The following CABLES2 variants were observed in gnomAD, a reference collection of about 807,000 sequenced individuals.
CABLES2 encodes the protein Cdk5 and Abl enzyme substrate 2, also known as CDK5 and ABL1 enzyme substrate 2.
In CABLES2, 35 loss-of-function variants were observed where a neutral mutation model predicts 44.8. The ratio of observed to expected loss-of-function variants is 0.78; its 90% confidence interval spans 0.60 to 1.04. The LOEUF (loss-of-function observed/expected upper bound fraction) is 1.04. Ranked by LOEUF, CABLES2 falls within the 50% of genes least tolerant of loss-of-function variation. The pLI is 0.00. For missense variants in CABLES2, 566 were observed against 615.7 expected (o/e 0.92, Z 0.85); for synonymous variants, 282 against 281.1 (o/e 1.00, Z -0.03).
rs550853606 is a variant in CABLES2, at chr20:62,390,320, C to G, written c.*651G>C. ...AGGTCCAAGAGTCCAAGAATGAGAT[C>G]AAAATAAATCAGGAGACTGCTCCCG... On this transcript the variant is annotated 3_prime_UTR_variant, in exon 10 of 10. Transcript: ENST00000279101. The G allele has an allele frequency of 6.5e-6, 1 of 153,318 alleles. No individual in the cohort carries two copies. The highest frequency in any genetic ancestry group is 1.5e-5 in the Non-Finnish European group (1 of 68,632). The allele number at this position is 153,318 out of a possible 1,614,324, so 9.5% of individuals were successfully genotyped here.
In CABLES2 at chr20:62,391,108, A is replaced by C; in HGVS notation, c.1300T>G (p.Leu434Val). The C allele has an allele frequency of 6.2e-7, 1 of 1,613,928 alleles. No individual in the cohort carries two copies. The highest frequency in any genetic ancestry group is 1.3e-5 in the African/African-American group (1 of 75,008). ...CTGTTGAATCGAAACCTTTCTTCTA[A>C]CTTCTGCAGGGGAGAAGAGAGAAGG... ...KSGVTQLIDK[L>V]EERFRFNRRD... The change falls in exon 10 of 10, where the codon TTA (leucine) becomes GTA (valine). Residue 434 changes from leucine to valine, a missense_variant. By Grantham distance (32) the Leu-to-Val change is conservative. Transcript: ENST00000279101. The surrounding 1 kb of genome is among the most constrained non-coding windows in gnomAD (Gnocchi z 5.7).
intron 1 of CABLES2, among the ~76,000 whole-genome samples, chr20:62,399,367 C>T (rs1177699300): frequency 6.6e-6 from 1 of 152,130 alleles, no homozygotes; most frequent in Admixed American, 6.6e-5. Context: ...CTGCCTCAGC[C>T]TCCTGAGTAG....
intron 1 of CABLES2, chr20:62,402,259 A>C (rs2146428660): frequency 6.6e-6 from 1 of 152,338 alleles, no homozygotes. Flanking sequence ...TTTATTAAAC[A>C]CTGTTTCTAG....
At chr20:62,395,158 C>T (rs2146420792) in intron 3 of CABLES2, 144 bp from the exon 4 acceptor site, 1 of 684,474 alleles carries the variant, frequency 1.5e-6, no homozygotes, top group East Asian at 2.8e-5. Context: ...TCCAAGGGGA[C>T]TTGAGCCCAG....
intron 1 of CABLES2, among the ~76,000 whole-genome samples, chr20:62,397,446 G>A (rs1659750680): frequency 6.6e-6 from 1 of 152,176 alleles, no homozygotes; most frequent in Admixed American, 6.5e-5. Context: ...TAAGCGAAAC[G>A]TGCAGGCAAA....
Position 62,391,558 on chromosome 20 carries a change from G to A in CABLES2, c.1092-105C>T. On this transcript the variant is annotated intron_variant, in intron 8 of 9. Transcript: ENST00000279101. This position sits in a 1 kb window ranked among gnomAD's most constrained non-coding sequence, Gnocchi z 5.7. ...GGCTGGAGCGATGTAGCTTTGGGCC[G>A]CAAGAAACACCACCGCATCCTTCAG... is the stretch of plus-strand genomic sequence containing the variant. The A allele has an allele frequency of 3.5e-6, 4 of 1,137,660 alleles. No homozygotes were observed. Among genetic ancestry groups the A allele is most frequent in the African/African-American group, 1.5e-5 (1 of 65,252 alleles). 70.5% of individuals were successfully genotyped at this position (1,137,660 alleles called of 1,614,324 possible). A position where few individuals can be genotyped will look rare whatever the true frequency, so the allele number is the denominator to read the frequency against.
intron 1 of CABLES2, among the ~76,000 whole-genome samples, chr20:62,400,590 T>C (rs954856728): frequency 1.3e-5 from 2 of 152,200 alleles, no homozygotes; most frequent in African/African-American, 4.8e-5. Context: ...AGCCTGTGTG[T>C]CTTTCTGGAA....
rs1423603759 is a variant in CABLES2 at position 62,388,661 on chromosome 20, T to A, written c.*2310A>T. The A allele has an allele frequency of 1.6e-6, 1 of 608,480 alleles. No individual in the cohort carries two copies. The highest frequency in any genetic ancestry group is 2.9e-6 in the Non-Finnish European group (1 of 344,388). 37.7% of individuals were successfully genotyped at this position (608,480 alleles called of 1,614,324 possible). A position where few individuals can be genotyped will look rare whatever the true frequency, so the allele number is the denominator to read the frequency against. ...GCAAAACTGAGGTTTAAAGGACAAA[T>A]ACATTATCCATTTAAAAACAGATAT... On this transcript the variant is annotated 3_prime_UTR_variant, in exon 10 of 10. Transcript: ENST00000279101.
rs1007852453 is a variant in CABLES2, at chr20:62,396,609, G to A, written c.363-17C>T. ...ACTCGCTTCCTGCAAGATGACAATG[G>A]AGCCTCAAAACAGGCCACCAGCCCG... On this transcript the variant is annotated splice_polypyrimidine_tract_variant and intron_variant, in intron 1 of 9. Coordinates refer to ENST00000279101, the MANE Select transcript of CABLES2 (RefSeq NM_031215.3). This position sits in a 1 kb window ranked among gnomAD's most constrained non-coding sequence, Gnocchi z 5.7. The A allele has an allele frequency of 2.5e-6, 4 of 1,605,028 alleles. No individual in the cohort carries two copies. The African/African-American group carries it at 4.0e-5, about 16-fold the overall frequency.
chr20:62,394,194 A>G lies in CABLES2; in HGVS notation c.677T>C (p.Phe226Ser). Residue 226 changes from phenylalanine (F) to serine (S), a missense_variant, in exon 5 of 10, where the codon TTT becomes TCT. By Grantham distance (155) the Phe-to-Ser change is radical (BLOSUM62 -2). Around this residue, in one of 2 missense-constraint regions of CABLES2, gnomAD observed 436 missense variants for 536.3 expected, o/e 0.81. Transcript: ENST00000279101. ...TCCTAGCTCCACACCTTCTAGCTCA[A>G]AGACCATCTCGGAAGACACAGAGAC... ...GGVSVSSEMV[F>S]ELEGVELGAD... 1 of 1,613,552 alleles carries G rather than the reference A, an allele frequency of 6.2e-7. No homozygotes were observed. The highest frequency in any genetic ancestry group is 8.5e-7 in the Non-Finnish European group (1 of 1,179,972).
chr20:62,392,502 C>G lies in CABLES2; in HGVS notation c.985-7G>C, dbSNP rs1468853172. ...CGTATTCTATCACTGTGGTCTGCAACAGAGAGTGGGCAGGGTTGGGCCGGC... is the reference window on the plus strand; with the variant it reads ...CGTATTCTATCACTGTGGTCTGCAAGAGAGAGTGGGCAGGGTTGGGCCGGC... On this transcript the variant is annotated splice_polypyrimidine_tract_variant and splice_region_variant and intron_variant, in intron 7 of 9. Coordinates refer to ENST00000279101, the MANE Select transcript of CABLES2 (RefSeq NM_031215.3). The G allele has an allele frequency of 3.1e-6, 5 of 1,609,488 alleles. No individual in the cohort carries two copies. The highest frequency in any genetic ancestry group is 4.3e-6 in the Non-Finnish European group (5 of 1,175,782).
At chr20:62,402,501 A>C (rs1988207747) in intron 1 of CABLES2, 1 of 152,168 alleles carries the variant, frequency 6.6e-6, no homozygotes, top group Non-Finnish European at 1.5e-5. Flanking sequence ...CTTCTGTCCC[A>C]CGGCGTGCCC....
At position 62,400,245 on chromosome 20, in the gene CABLES2, C is replaced by T. The variant is rs549553538; in HGVS notation, c.363-3653G>A. ...ATGGGACCAGGAAGGGCTGGGGATG[C>T]GGTGGGCTGGCCTGCACAGTGGGGT... is the stretch of plus-strand genomic sequence containing the variant. On this transcript the variant is annotated intron_variant, in intron 1 of 9. Coordinates refer to ENST00000279101, the MANE Select transcript of CABLES2 (RefSeq NM_031215.3). 9.5e-4 allele frequency among the ~76,000 whole-genome samples: 115 copies of T among 121,454 alleles called. 2 individuals carry two copies. The highest frequency in any genetic ancestry group is 3.2e-3 in the African/African-American group (101 of 31,632). 79.7% of individuals were successfully genotyped at this position (121,454 alleles called of 152,430 possible). A position where few individuals can be genotyped will look rare whatever the true frequency, so the allele number is the denominator to read the frequency against.
chr20:62,398,205 ATGGTGATG>A (rs1988110803), intron 1 of CABLES2, among the ~76,000 whole-genome samples: 1 of 86,168 alleles, frequency 1.2e-5, no homozygotes, highest in African/African-American at 5.3e-5. Context: ...GATGGTGGTG[ATGGTGATG>A]TGATGGTGGT....
At position 62,393,577 on chromosome 20, in the gene CABLES2, G is replaced by A. The variant is rs1295417511; in HGVS notation, c.743C>T (p.Pro248Leu). 1 of 1,606,154 alleles carries A rather than the reference G, an allele frequency of 6.2e-7. No homozygotes were observed. Among genetic ancestry groups the A allele is most frequent in the Non-Finnish European group, 8.5e-7 (1 of 1,175,810 alleles). Residue 248 changes from proline to leucine, a missense_variant, in exon 6 of 10, where the codon CCC becomes CTC. Around this residue, in one of 2 missense-constraint regions of CABLES2, gnomAD observed 436 missense variants for 536.3 expected, o/e 0.81. Transcript: ENST00000279101. ...CTTGTGTGTGACCAGGGCGTTGGTG[G>A]GATACAGGAACTTCGCATAAGACAC... Reference protein sequence around the residue: ...KVVSYAKFLYPTNALVTHKSD... With the variant: ...KVVSYAKFLYLTNALVTHKSD...
chr20:62,398,232 CGGT>C (rs1259355463), intron 1 of CABLES2, among the ~76,000 whole-genome samples: 11 of 45,072 alleles, frequency 2.4e-4, no homozygotes, highest in Middle Eastern at 0.02. Flanking sequence ...GTGGTGGTGA[CGGT>C]GGTGATGATG....
At position 62,391,464 on chromosome 20, in the gene CABLES2, A is replaced by G; in HGVS notation, c.1092-11T>C. On this transcript the variant is annotated splice_polypyrimidine_tract_variant and intron_variant, in intron 8 of 9. Transcript: ENST00000279101. The surrounding 1 kb of genome is among the most constrained non-coding windows in gnomAD (Gnocchi z 5.7). ...ATCTCCCGCTTTAAGCTGTGGGTTAAGACAGAAGCCATGTCCCTGGGGGCT... is the reference window on the plus strand; with the variant it reads ...ATCTCCCGCTTTAAGCTGTGGGTTAGGACAGAAGCCATGTCCCTGGGGGCT... 2.5e-6 allele frequency: 4 copies of G among 1,611,932 alleles called. No individual in the cohort carries two copies. Among genetic ancestry groups the G allele is most frequent in the Non-Finnish European group, 3.4e-6 (4 of 1,179,124 alleles).
chr20:62,396,461 G>A lies in CABLES2; in HGVS notation c.435-54C>T, dbSNP rs541240794. ...TTTCCTCCCAGGACCCTCTGGCCCC[G>A]CAGGGGTCAGTGGCAGCCCGAGCGG... On this transcript the variant is annotated intron_variant, in intron 2 of 9. Transcript: ENST00000279101. The surrounding 1 kb of genome is among the most constrained non-coding windows in gnomAD (Gnocchi z 5.7). 1.7e-5 allele frequency: 28 copies of A among 1,610,766 alleles called. No individual in the cohort carries two copies. Among genetic ancestry groups the A allele is most frequent in the Admixed American group, 6.7e-5 (4 of 60,024 alleles).
At position 62,393,015 on chromosome 20, in the gene CABLES2, C is replaced by T. The variant is rs150007624; in HGVS notation, c.889G>A (p.Val297Met). Residue 297 changes from valine (V) to methionine (M), a missense_variant, in exon 7 of 10, where the codon GTG (valine) becomes ATG (methionine). Val to Met is a conservative substitution (Grantham distance 21). Around this residue, in one of 2 missense-constraint regions of CABLES2, gnomAD observed 436 missense variants for 536.3 expected, o/e 0.81. Coordinates refer to ENST00000279101, the MANE Select transcript of CABLES2 (RefSeq NM_031215.3). ...APASTELGSD[V>M]GDTLEYNPNL... ...GGGTTGTACTCCAGGGTGTCCCCCA[C>T]GTCACTCCCTGTAAGAGAGGCAACC... 7.9e-5 allele frequency: 128 copies of T among 1,613,700 alleles called. 2 individuals carry two copies. The highest frequency in any genetic ancestry group is 7.7e-5 in the Non-Finnish European group (91 of 1,179,790).
Sources: allele counts gnomAD v4.1 joint callset (sites outside exome capture counted in the v4.1 genomes callset), GRCh38; gene constraint gnomAD v4.1.1; regional missense constraint gnomAD v4.1.1; non-coding constraint Gnocchi (gnomAD v3.1); transcripts MANE v1.5; gene names NCBI Gene and HGNC (gene_info 2026-07-23, HGNC 2026-07-21).